The following ATP6V0A4 variants were observed in gnomAD, a reference collection of about 807,000 sequenced individuals.
The protein encoded by ATP6V0A4 is ATPase H+ transporting V0 subunit a4.
In ATP6V0A4, 86 loss-of-function variants were observed where a neutral mutation model predicts 107.3. That is an observed-to-expected ratio of 0.80 (90% confidence interval 0.67 to 0.96). The LOEUF (loss-of-function observed/expected upper bound fraction) is 0.96. Among genes scored for constraint, ATP6V0A4 ranks in the 40% least tolerant of loss-of-function variants. The probability of loss-of-function intolerance (pLI) is 0.00; values close to 1 mark genes in which losing one functional copy is unlikely to be tolerated. For missense variants in ATP6V0A4, 908 were observed against 1,045.6 expected (o/e 0.87, Z 1.81); for synonymous variants, 353 against 381.4 (o/e 0.93, Z 0.87).
chr7:138,710,874 G>A (rs1367796492), intron 20 of ATP6V0A4, among the ~76,000 whole-genome samples: 1 of 152,116 alleles, frequency 6.6e-6, no homozygotes, highest in African/African-American at 2.4e-5. Context: ...CAGAAAGCCT[G>A]AAGTTCAGCC....
intron 20 of ATP6V0A4, among the ~76,000 whole-genome samples, chr7:138,710,827 G>T (rs565080023): frequency 6.6e-6 from 1 of 152,054 alleles, no homozygotes; most frequent in African/African-American, 2.4e-5. Context: ...ACACAGAGAC[G>T]CCCAACAACA....
intron 14 of ATP6V0A4, among the ~76,000 whole-genome samples, chr7:138,744,283 G>A (rs1422189582): frequency 2.0e-5 from 3 of 150,106 alleles, no homozygotes; most frequent in African/African-American, 4.9e-5. Context: ...TGTTGCCCAG[G>A]CTGGAGTGCA....
chr7:138,747,618 C>T (rs1446008519), intron 12 of ATP6V0A4, 54 bp from the exon 13 acceptor site: 19 of 1,602,102 alleles, frequency 1.2e-5, no homozygotes, highest in Non-Finnish European at 1.4e-5. Flanking sequence ...TCGGGGCCCC[C>T]ACCTCAGATT....
Position 138,743,074 on chromosome 7 carries a change from G to A in ATP6V0A4, c.1478+2049C>T, listed in dbSNP as rs150672619. On this transcript the variant is annotated intron_variant, in intron 14 of 21. Coordinates refer to ENST00000310018, the MANE Select transcript of ATP6V0A4 (RefSeq NM_020632.3). ...GAAGAGACTGCGTTAGAATCTCCTTGCCCCACACTAAATATTTCTACAGTC... is the reference window on the plus strand; with the variant it reads ...GAAGAGACTGCGTTAGAATCTCCTTACCCCACACTAAATATTTCTACAGTC... Among the ~76,000 whole-genome samples, 276 of 152,188 alleles carry A rather than the reference G, an allele frequency of 1.8e-3. 1 individual carries two copies. Among genetic ancestry groups the A allele is most frequent in the African/African-American group, 6.4e-3 (265 of 41,520 alleles).
At chr7:138,763,358 T>C (rs1806925478) in intron 5 of ATP6V0A4, among the ~76,000 whole-genome samples, 1 of 152,224 alleles carries the variant, frequency 6.6e-6, no homozygotes, top group Non-Finnish European at 1.5e-5. Flanking sequence ...CTGGGTGCGG[T>C]GGCTCATGCC....
At chr7:138,735,135 G>A (rs1031519703) in intron 15 of ATP6V0A4, among the ~76,000 whole-genome samples, 2 of 152,070 alleles carry the variant, frequency 1.3e-5, no homozygotes, top group African/African-American at 4.8e-5. Context: ...AAGCACACTG[G>A]GTGGTCGTGC....
chr7:138,798,099 T>G lies in ATP6V0A4; in HGVS notation c.-186A>C, dbSNP rs1808777853. The G allele has an allele frequency of 1.3e-6, 2 of 1,594,624 alleles. No homozygotes were observed. Among genetic ancestry groups the G allele is most frequent in the African/African-American group, 2.7e-5 (2 of 74,514 alleles). On this transcript the variant is annotated 5_prime_UTR_variant, in exon 1 of 22. Transcript: ENST00000310018. ...CCTGCACCGGGCACTCAGCACAGCC[T>G]CCAGCATGCAGCGCCTCCCCGCTGC...
intron 20 of ATP6V0A4, among the ~76,000 whole-genome samples, chr7:138,714,615 A>G (rs1256456949): frequency 6.6e-6 from 1 of 152,024 alleles, no homozygotes; most frequent in Non-Finnish European, 1.5e-5. Context: ...ATACAATTGT[A>G]TTTCTGGGCC....
At chr7:138,714,691 C>T (rs1562977651) in intron 20 of ATP6V0A4, among the ~76,000 whole-genome samples, 1 of 152,156 alleles carries the variant, frequency 6.6e-6, no homozygotes, top group Non-Finnish European at 1.5e-5. Context: ...AGGGTCAGCT[C>T]AGCAGGCAGC....
chr7:138,746,925 A>T (rs191111237), intron 13 of ATP6V0A4, among the ~76,000 whole-genome samples: 1 of 152,248 alleles, frequency 6.6e-6, no homozygotes, highest in Non-Finnish European at 1.5e-5. Flanking sequence ...GTTCAGAAGA[A>T]CACGGGTCCC....
intron 18 of ATP6V0A4, 83 bp downstream of exon 18, chr7:138,728,678 A>T: frequency 6.3e-7 from 1 of 1,589,340 alleles, no homozygotes; most frequent in South Asian, 1.1e-5. Flanking sequence ...GCCCAGGACG[A>T]TTCTCTCTAA....
chr7:138,768,154 G>A (rs1214049345), intron 5 of ATP6V0A4, among the ~76,000 whole-genome samples: 1 of 152,100 alleles, frequency 6.6e-6, no homozygotes, highest in Non-Finnish European at 1.5e-5. Context: ...GGCTGGTCTC[G>A]AATTCCTGAC....
At position 138,707,329 on chromosome 7, in the gene ATP6V0A4, T is replaced by TA. The variant is rs1562972807; in HGVS notation, c.2430-613dup. ...TTATATTTATTTATATTTATATTTA[T>TA]ATTTATAATATATATATTATAATAT... On this transcript the variant is annotated intron_variant, in intron 21 of 21. Coordinates refer to ENST00000310018, the MANE Select transcript of ATP6V0A4 (RefSeq NM_020632.3). Among the ~76,000 whole-genome samples the TA allele has an allele frequency of 3.7e-4, 25 of 67,206 alleles. 1 individual carries two copies. In the South Asian group the frequency reaches 4.2e-3, roughly 11 times the overall value. The allele number at this position is 67,206 out of a possible 152,430, so 44.1% of individuals were successfully genotyped here. A position where few individuals can be genotyped will look rare whatever the true frequency, so the allele number is the denominator to read the frequency against.
At position 138,718,251 on chromosome 7, in the gene ATP6V0A4, C is replaced by T. The variant is rs181848452; in HGVS notation, c.2140-2370G>A. ...GTGTGCGCGCAGTTATGGATGTCTG[C>T]GGAGGGAGACGTCCAGGAAGGAATG... On this transcript the variant is annotated intron_variant, in intron 19 of 21. Coordinates refer to ENST00000310018, the MANE Select transcript of ATP6V0A4 (RefSeq NM_020632.3). Among the ~76,000 whole-genome samples, 37 of 32,984 alleles carry T rather than the reference C, an allele frequency of 1.1e-3. 1 individual carries two copies. Among genetic ancestry groups the T allele is most frequent in the African/African-American group, 5.4e-3 (33 of 6,096 alleles). 21.6% of individuals were successfully genotyped at this position (32,984 alleles called of 152,430 possible).
At chr7:138,716,575 T>TG (rs75876774) in intron 19 of ATP6V0A4, among the ~76,000 whole-genome samples, 181 of 91,416 alleles carry the variant, frequency 2.0e-3, no homozygotes, top group South Asian at 4.8e-3. Context: ...AATTTTTTTT[T>TG]GGGGGGGGGG....
At chr7:138,794,760 G>A (rs111679972) in intron 1 of ATP6V0A4, among the ~76,000 whole-genome samples, 1 of 152,158 alleles carries the variant, frequency 6.6e-6, no homozygotes, top group East Asian at 1.9e-4. Context: ...GTGAGGAAAT[G>A]GGCCACATGG....
In ATP6V0A4 at chr7:138,776,785, T is replaced by C. The variant is rs1028657170; in HGVS notation, c.-17-5521A>G. Among the ~76,000 whole-genome samples, 8 of 152,190 alleles carry C rather than the reference T, an allele frequency of 5.3e-5. 1 individual carries two copies. The highest frequency in any genetic ancestry group is 1.9e-4 in the African/African-American group (8 of 41,444). On this transcript the variant is annotated intron_variant, in intron 2 of 21. Transcript: ENST00000310018. ...GCTCTGCCATTTACCATGCGTGACC[T>C]TGGGAAAGCTATTTAACCTCAGGGC...
intron 14 of ATP6V0A4, among the ~76,000 whole-genome samples, chr7:138,744,333 A>T (rs1339573177): frequency 7.3e-6 from 1 of 136,540 alleles, no homozygotes; most frequent in Admixed American, 8.0e-5. Flanking sequence ...CACCTCCTGG[A>T]TTCAAGCAGT....
intron 17 of ATP6V0A4, 54 bp from the exon 18 acceptor site, chr7:138,728,916 C>G: frequency 6.2e-7 from 1 of 1,612,876 alleles, no homozygotes. Flanking sequence ...GAACAGCACA[C>G]TTTACGTGAT....
Sources: gnomAD v4.1 joint callset for allele counts (sites outside exome capture counted in the v4.1 genomes callset) on GRCh38, gnomAD v4.1.1 for gene constraint, MANE v1.5 for transcripts, NCBI Gene and HGNC (gene_info 2026-07-23, HGNC 2026-07-21) for gene names.